The following LEMD1 variants were observed in gnomAD, a reference collection of about 807,000 sequenced individuals.
LEMD1 encodes LEM domain-containing protein 1.
Under a neutral mutation model 17.4 loss-of-function variants are expected in LEMD1, and 18 were observed. The ratio of observed to expected loss-of-function variants is 1.04; its 90% CI spans 0.72 to 1.54. The LOEUF (loss-of-function observed/expected upper bound fraction) is 1.54. Ranked by LOEUF, LEMD1 falls within the 40% of genes most tolerant of loss-of-function variation. The pLI is 0.00. For missense variants in LEMD1, 195 were observed against 210.4 expected (o/e 0.93, Z 0.45); for synonymous variants, 88 against 77.8 (o/e 1.13, Z -0.69).
intron 4 of LEMD1, among the ~76,000 whole-genome samples, chr1:205,393,740 T>C (rs1173682121): frequency 6.6e-6 from 1 of 151,994 alleles, no homozygotes; most frequent in Non-Finnish European, 1.5e-5. Context: ...ACCTCATACA[T>C]TGTTAGTGGT....
At chr1:205,399,201 C>T (rs1240758099) in intron 4 of LEMD1, among the ~76,000 whole-genome samples, 4 of 144,340 alleles carry the variant, frequency 2.8e-5, no homozygotes, top group East Asian at 2.0e-4. Flanking sequence ...GGCAACAGAG[C>T]GAGACTCCAT....
chr1:205,399,843 A>C (rs186059685), intron 4 of LEMD1, among the ~76,000 whole-genome samples: 41 of 152,272 alleles, frequency 2.7e-4, no homozygotes, highest in African/African-American at 9.6e-4. Context: ...AGAAAGGAAA[A>C]TGCTTCTTAC....
chr1:205,383,286 G>T (rs955596229), intron 5 of LEMD1, among the ~76,000 whole-genome samples: 3 of 152,194 alleles, frequency 2.0e-5, no homozygotes, highest in Middle Eastern at 3.4e-3. Flanking sequence ...GTAGAGACAG[G>T]ATCTCACTAT....
At chr1:205,404,676 T>C (rs200302613) in intron 4 of LEMD1, among the ~76,000 whole-genome samples, 3 of 152,244 alleles carry the variant, frequency 2.0e-5, no homozygotes, top group African/African-American at 7.2e-5. Context: ...CTGTGTCTTT[T>C]AATTGGAGCA....
At chr1:205,406,209 CT>C (rs1452579264) in intron 4 of LEMD1, among the ~76,000 whole-genome samples, 1 of 152,196 alleles carries the variant, frequency 6.6e-6, no homozygotes, top group African/African-American at 2.4e-5. Flanking sequence ...CAGCTGCGTA[CT>C]GGGAGAACCA....
At chr1:205,411,198 G>T (rs1665389159) in intron 4 of LEMD1, among the ~76,000 whole-genome samples, 1 of 131,652 alleles carries the variant, frequency 7.6e-6, no homozygotes, top group East Asian at 2.3e-4. Flanking sequence ...AAGGAAGGAA[G>T]GAAGGAAGAA....
chr1:205,429,855 GCT>G (rs1666102905), intron 1 of LEMD1, among the ~76,000 whole-genome samples: 2 of 152,142 alleles, frequency 1.3e-5, no homozygotes, highest in South Asian at 2.1e-4. Flanking sequence ...GGAGGCTGCT[GCT>G]CTCACTCCTC....
intron 3 of LEMD1, among the ~76,000 whole-genome samples, chr1:205,418,052 C>T (rs938608187): frequency 5.3e-5 from 8 of 151,742 alleles, no homozygotes; most frequent in African/African-American, 1.7e-4. Flanking sequence ...CAGATGGGTC[C>T]CGCTCTGCAT....
intron 1 of LEMD1, chr1:205,434,824 G>A (rs1666179663): frequency 1.3e-5 from 2 of 152,188 alleles, no homozygotes; most frequent in African/African-American, 4.8e-5. Context: ...GTGTATCACA[G>A]TGCAAAATAA....
chr1:205,402,497 CTCTG>C (rs1664898391), intron 4 of LEMD1, among the ~76,000 whole-genome samples: 1 of 151,810 alleles, frequency 6.6e-6, no homozygotes, highest in African/African-American at 2.4e-5. Context: ...TGATTTGGCT[CTCTG>C]TCTGTTATTG....
At chr1:205,416,110 G>A (rs369416164) in intron 4 of LEMD1, 122 bp downstream of exon 4, 18 of 596,072 alleles carry the variant, frequency 3.0e-5, no homozygotes, top group South Asian at 2.2e-4. Context: ...CTTTAAACTA[G>A]GATTTTACCA....
At chr1:205,439,200 G>C (rs1266675612) in intron 1 of LEMD1, among the ~76,000 whole-genome samples, 2 of 152,198 alleles carry the variant, frequency 1.3e-5, no homozygotes, top group Non-Finnish European at 2.9e-5. Context: ...AAAGAACCAG[G>C]GAGTTTTTCT....
intron 1 of LEMD1, among the ~76,000 whole-genome samples, chr1:205,444,899 C>G (rs1383383116): frequency 6.6e-6 from 1 of 151,706 alleles, no homozygotes; most frequent in Admixed American, 6.6e-5. Flanking sequence ...CGCCACCCCC[C>G]ACCCCAGGTA....
chr1:205,444,126 C>T (rs1233296373), intron 1 of LEMD1, among the ~76,000 whole-genome samples: 2 of 152,116 alleles, frequency 1.3e-5, no homozygotes, highest in Admixed American at 1.3e-4. Flanking sequence ...ACTCCCCTCC[C>T]ATCCTCCCCC....
intron 4 of LEMD1, among the ~76,000 whole-genome samples, chr1:205,414,774 G>C (rs1665614600): frequency 6.6e-6 from 1 of 152,090 alleles, no homozygotes; most frequent in Non-Finnish European, 1.5e-5. Context: ...TGTAGTCCTA[G>C]CTACTTGGGA....
At chr1:205,427,796 T>C (rs951440821) in intron 1 of LEMD1, among the ~76,000 whole-genome samples, 9 of 152,124 alleles carry the variant, frequency 5.9e-5, no homozygotes, top group African/African-American at 2.2e-4. Flanking sequence ...GAGGCTGAGA[T>C]GGAAACTCTC....
In LEMD1 at chr1:205,403,322, A is replaced by T. The variant is rs1574967520; in HGVS notation, c.270+12910T>A. ...TCTGGTAGAATTTGGCTGTGAATCC[A>T]TCTGGTCCTGGACTCTTTTTGGTTG... On this transcript the variant is annotated intron_variant, in intron 4 of 5. Coordinates refer to ENST00000367153, the MANE Select transcript of LEMD1 (RefSeq NM_001199050.2). Among the ~76,000 whole-genome samples, 2 of 152,008 alleles carry T rather than the reference A, an allele frequency of 1.3e-5. 1 individual carries two copies. The highest frequency in any genetic ancestry group is 3.8e-4 in the East Asian group (2 of 5,196).
At chr1:205,443,419 G>GC (rs1666330395) in intron 1 of LEMD1, among the ~76,000 whole-genome samples, 1 of 152,102 alleles carries the variant, frequency 6.6e-6, no homozygotes, top group Non-Finnish European at 1.5e-5. Context: ...GAAAATCCTG[G>GC]CTTTTTTTGC....
Position 205,384,470 on chromosome 1 carries a change from TG to T in LEMD1, c.271-107del. 3.2e-6 allele frequency: 2 copies of T among 631,222 alleles called. 1 individual carries two copies. Among genetic ancestry groups the T allele is most frequent in the South Asian group, 6.0e-5 (2 of 33,286 alleles). 39.1% of individuals were successfully genotyped at this position (631,222 alleles called of 1,614,324 possible). ...AGTCACATAATATGCCAAAAGTTCT[TG>T]GCACATTAGGTAGTTTGGTACTTTA... On this transcript the variant is annotated intron_variant, in intron 4 of 5. Coordinates refer to ENST00000367153, the MANE Select transcript of LEMD1 (RefSeq NM_001199050.2).
Sources: allele counts gnomAD v4.1 joint callset (sites outside exome capture counted in the v4.1 genomes callset), GRCh38; gene constraint gnomAD v4.1.1; transcripts MANE v1.5; gene names NCBI Gene and HGNC (gene_info 2026-07-23, HGNC 2026-07-21).